Variants in GRID1 observed in about 807,000 individuals in gnomAD.
The protein encoded by GRID1 is glutamate receptor ionotropic, delta-1.
Under a neutral mutation model 98.0 loss-of-function variants are expected in GRID1, and 28 were observed. The ratio of observed to expected loss-of-function variants is 0.29; its 90% confidence interval spans 0.21 to 0.39. The LOEUF (loss-of-function observed/expected upper bound fraction) is 0.39, where lower values mean the gene tolerates loss of function less well. Among genes scored for constraint, GRID1 ranks in the 10% least tolerant of loss-of-function variants. The pLI is 1.00. For synonymous variants in GRID1, 553 were observed against 538.5 expected (o/e 1.03, Z -0.37); for missense variants, 1,111 against 1,340.5 (o/e 0.83, Z 2.67).
At chr10:85,948,772 C>T (rs1050357477) in intron 4 of GRID1, among the ~76,000 whole-genome samples, 24 of 152,066 alleles carry the variant, frequency 1.6e-4, no homozygotes, top group African/African-American at 5.6e-4. Context: ...GTTTTTTTGA[C>T]ATTCTGAATG....
At chr10:85,779,102 G>C (rs1842359390) in intron 8 of GRID1, among the ~76,000 whole-genome samples, 1 of 152,200 alleles carries the variant, frequency 6.6e-6, no homozygotes, top group Non-Finnish European at 1.5e-5. Flanking sequence ...TCTTCATGCT[G>C]TTCATGCAAC....
chr10:85,876,418 C>T (rs1843332250), intron 5 of GRID1, among the ~76,000 whole-genome samples: 1 of 152,118 alleles, frequency 6.6e-6, no homozygotes, highest in South Asian at 2.1e-4. Flanking sequence ...TTGTGTTCCT[C>T]TTATAAAGAT....
At chr10:86,044,815 G>T (rs563123677) in intron 4 of GRID1, among the ~76,000 whole-genome samples, 44 of 151,550 alleles carry the variant, frequency 2.9e-4, no homozygotes, top group Non-Finnish European at 1.5e-5. Flanking sequence ...GGCTCGTTTT[G>T]CAGGTTATCT....
intron 4 of GRID1, among the ~76,000 whole-genome samples, chr10:86,014,647 A>G (rs921131190): frequency 6.6e-6 from 1 of 152,228 alleles, no homozygotes; most frequent in Non-Finnish European, 1.5e-5. Flanking sequence ...CTCGGCAAGT[A>G]TGTAGATGCC....
chr10:85,957,467 G>A (rs1842209749), intron 4 of GRID1, among the ~76,000 whole-genome samples: 1 of 152,102 alleles, frequency 6.6e-6, no homozygotes, highest in Non-Finnish European at 1.5e-5. Flanking sequence ...GTATTAGGCA[G>A]TTAAGAAGGC....
At chr10:85,918,080 G>A (rs1014003686) in intron 4 of GRID1, among the ~76,000 whole-genome samples, 3 of 150,072 alleles carry the variant, frequency 2.0e-5, no homozygotes, top group Admixed American at 6.6e-5. Context: ...AGCTCACCTC[G>A]ATTCCCAACA....
chr10:86,139,019 G>A lies in GRID1; in HGVS notation c.526C>T (p.Arg176Cys), dbSNP rs1243869807. The change falls in exon 4 of 16, where the codon CGT becomes TGT. Residue 176 changes from arginine (R) to cysteine (C), a missense_variant. Physicochemically the swap from Arg to Cys is radical, Grantham distance 180 (BLOSUM62 -3). Around this residue, in one of 3 missense-constraint regions of GRID1, gnomAD observed 346 missense variants for 452.3 expected, o/e 0.76. Transcript: ENST00000327946. ...TGGTCCAGAAAGCTTTGAAGCCCAC[G>A]GATATCTGAGCAGTGAGAGAAGAGG... is the stretch of plus-strand genomic sequence containing the variant. ...VMFYDSEYDIRGLQSFLDQAS... is the reference protein window; with the variant it reads ...VMFYDSEYDICGLQSFLDQAS... 20 of 1,610,094 alleles carry A rather than the reference G, an allele frequency of 1.2e-5. No homozygotes were observed. The highest frequency in any genetic ancestry group is 4.5e-5 in the East Asian group (2 of 44,852).
At position 86,155,196 on chromosome 10, in the gene GRID1, C is replaced by T. The variant is rs147179429; in HGVS notation, c.521-16172G>A. 3.0e-3 allele frequency among the ~76,000 whole-genome samples: 455 copies of T among 152,354 alleles called. 6 individuals carry two copies. Among genetic ancestry groups the T allele is most frequent in the African/African-American group, 0.01 (430 of 41,588 alleles). On this transcript the variant is annotated intron_variant, in intron 3 of 15. Transcript: ENST00000327946. ...CAGGCCAGCACCACGGGCTGTATGG[C>T]TTGCTGAAGGCTGGGGAAGGCCCTC...
rs549864390 is a variant in GRID1 at position 86,295,776 on chromosome 10, C to T, written c.235+68165G>A. On this transcript the variant is annotated intron_variant, in intron 2 of 15. Transcript: ENST00000327946. The stretch of plus-strand genomic sequence containing the variant: ...ATCCCCAGCATCTAACGACATTCTA[C>T]GGACACTCAACAGGTATGTGAGAGA... Among the ~76,000 whole-genome samples, 67 of 152,254 alleles carry T rather than the reference C, an allele frequency of 4.4e-4. 2 individuals are homozygous for T. In the South Asian group the frequency reaches 0.01, roughly 24 times the overall value.
chr10:86,297,496 G>T (rs1847611292), intron 2 of GRID1, among the ~76,000 whole-genome samples: 2 of 152,108 alleles, frequency 1.3e-5, no homozygotes, highest in African/African-American at 4.8e-5. Flanking sequence ...AACTAGAGAA[G>T]TCAAATGAAA....
intron 2 of GRID1, among the ~76,000 whole-genome samples, chr10:86,243,941 A>G (rs1452818949): frequency 6.6e-6 from 1 of 152,188 alleles, no homozygotes; most frequent in Non-Finnish European, 1.5e-5. Context: ...GCACACAAGC[A>G]CATGCATACA....
In GRID1 at chr10:86,206,793, C is replaced by A; in HGVS notation, c.236-145G>T. 1.5e-6 allele frequency: 1 copy of A among 673,574 alleles called. No individual in the cohort carries two copies. The highest frequency in any genetic ancestry group is 2.5e-6 in the Non-Finnish European group (1 of 401,210). 41.7% of individuals were successfully genotyped at this position (673,574 alleles called of 1,614,324 possible). A position where few individuals can be genotyped will look rare whatever the true frequency, so the allele number is the denominator to read the frequency against. ...CTCCAGGACCAAGAACCATCCTGGG[C>A]AGGCCAGTGGCTCTCATAAGCACAG... On this transcript the variant is annotated intron_variant, in intron 2 of 15. Coordinates refer to ENST00000327946, the MANE Select transcript of GRID1 (RefSeq NM_017551.3). The surrounding 1 kb of genome is among the most constrained non-coding windows in gnomAD (Gnocchi z 4.1).
intron 4 of GRID1, among the ~76,000 whole-genome samples, chr10:86,073,741 T>C (rs1403367992): frequency 6.6e-6 from 1 of 152,130 alleles, no homozygotes; most frequent in African/African-American, 2.4e-5. Flanking sequence ...TGAAACATCA[T>C]CACTTGGCTG....
intron 12 of GRID1, among the ~76,000 whole-genome samples, chr10:85,666,123 G>A (rs1363666759): frequency 6.6e-6 from 1 of 152,186 alleles, no homozygotes; most frequent in African/African-American, 2.4e-5. Flanking sequence ...ATGGTCTGGA[G>A]GGAGCTAATA....
chr10:86,270,901 A>G (rs1000990613), intron 2 of GRID1, among the ~76,000 whole-genome samples: 5 of 152,198 alleles, frequency 3.3e-5, no homozygotes, highest in African/African-American at 1.2e-4. Context: ...GGCAAGCCCT[A>G]CAATTTCTTC....
Position 86,132,313 on chromosome 10 carries a change from C to A in GRID1, c.726+6506G>T, listed in dbSNP as rs7084174. On this transcript the variant is annotated intron_variant, in intron 4 of 15. Coordinates refer to ENST00000327946, the MANE Select transcript of GRID1 (RefSeq NM_017551.3). ...CTCTCTGTTCCCTTCCTGAACTCAGCCAGGCCCCGCGTTCTGGCTGCCTCT... is the reference window on the plus strand; with the variant it reads ...CTCTCTGTTCCCTTCCTGAACTCAGACAGGCCCCGCGTTCTGGCTGCCTCT... 7.5e-3 allele frequency among the ~76,000 whole-genome samples: 1,137 copies of A among 152,324 alleles called. 25 individuals carry two copies. The highest frequency in any genetic ancestry group is 0.026 in the African/African-American group (1,088 of 41,560).
At chr10:85,923,178 G>A (rs773499147) in intron 4 of GRID1, among the ~76,000 whole-genome samples, 1 of 151,924 alleles carries the variant, frequency 6.6e-6, no homozygotes, top group Non-Finnish European at 1.5e-5. Context: ...CTCTTTGCTC[G>A]AGGATCCTTG....
At chr10:86,175,614 T>A (rs1319422960) in intron 3 of GRID1, among the ~76,000 whole-genome samples, 1 of 152,142 alleles carries the variant, frequency 6.6e-6, no homozygotes, top group Non-Finnish European at 1.5e-5. Flanking sequence ...TGGTTGACAC[T>A]CACACCAATG....
In GRID1 at chr10:85,602,641, T is replaced by A. The variant is rs78213390; in HGVS notation, c.2662A>T (p.Ile888Phe). 1.9e-6 allele frequency: 3 copies of A among 1,613,922 alleles called. No homozygotes were observed. The highest frequency in any genetic ancestry group is 2.2e-5 in the South Asian group (2 of 91,018). Residue 888 changes from isoleucine (I) to phenylalanine (F), a missense_variant, in exon 16 of 16, where the codon ATT becomes TTT. By Grantham distance (21) the Ile-to-Phe change is conservative. Coordinates refer to ENST00000327946, the MANE Select transcript of GRID1 (RefSeq NM_017551.3). ...RRMNSLMDED[I>F]AHKQISPASI... ...GCTGGGGAAATCTGCTTGTGAGCAA[T>A]GTCTTCATCCATGAGGCTGTTCATG...
Sources: allele counts gnomAD v4.1 joint callset (sites outside exome capture counted in the v4.1 genomes callset), GRCh38; gene constraint gnomAD v4.1.1; regional missense constraint gnomAD v4.1.1; non-coding constraint Gnocchi (gnomAD v3.1); transcripts MANE v1.5; gene names NCBI Gene and HGNC (gene_info 2026-07-23, HGNC 2026-07-21).